GRID1: variants seen among roughly 807,000 people sequenced by gnomAD.
GRID1 encodes glutamate ionotropic receptor delta type subunit 1.
In GRID1, 28 loss-of-function variants were observed where a neutral mutation model predicts 98.0. The observed-to-expected ratio is 0.29, with a 90% CI of 0.21 to 0.39. The LOEUF (loss-of-function observed/expected upper bound fraction) is 0.39, where lower values mean the gene tolerates loss of function less well. Ranked by LOEUF, GRID1 falls within the 10% of genes least tolerant of loss-of-function variation. GRID1 has a pLI of 1.00. For missense variants in GRID1, 1,111 were observed against 1,340.5 expected, an observed-to-expected ratio of 0.83 and a Z score of 2.67; for synonymous variants, 553 against 538.5, an observed-to-expected ratio of 1.03 and a Z score of -0.37.
At chr10:85,612,158 C>T (rs1422018625) in intron 15 of GRID1, among the ~76,000 whole-genome samples, 4 of 152,170 alleles carry the variant, frequency 2.6e-5, no homozygotes, top group South Asian at 2.1e-4. Flanking sequence ...GAGCGAGGGA[C>T]GCCCACCCCT....
At chr10:85,938,083 C>T (rs1841949984) in intron 4 of GRID1, among the ~76,000 whole-genome samples, 1 of 152,160 alleles carries the variant, frequency 6.6e-6, no homozygotes, top group African/African-American at 2.4e-5. Context: ...TTCTACAAAG[C>T]CATCAACCAA....
chr10:86,124,566 C>A (rs1190188180), intron 4 of GRID1, among the ~76,000 whole-genome samples: 1 of 152,146 alleles, frequency 6.6e-6, no homozygotes. Context: ...TCTCTTCTTA[C>A]CTTACTGTAT....
At chr10:86,198,105 T>C (rs1272565615) in intron 3 of GRID1, among the ~76,000 whole-genome samples, 1 of 152,054 alleles carries the variant, frequency 6.6e-6, no homozygotes, top group Non-Finnish European at 1.5e-5. Context: ...TAAAGTAACA[T>C]TTGCCCCGAT....
chr10:86,067,999 G>T (rs572722591), intron 4 of GRID1, among the ~76,000 whole-genome samples: 35 of 152,322 alleles, frequency 2.3e-4, no homozygotes, highest in Non-Finnish European at 2.9e-4. Context: ...ACTTAAGCAG[G>T]GAGAAAAGGA....
intron 4 of GRID1, among the ~76,000 whole-genome samples, chr10:85,989,609 C>G (rs1449524826): frequency 6.6e-6 from 1 of 152,170 alleles, no homozygotes; most frequent in East Asian, 1.9e-4. Context: ...AGGTTGTGCA[C>G]TCATGAGAAT....
chr10:86,144,548 C>A (rs953554313), intron 3 of GRID1, among the ~76,000 whole-genome samples: 7 of 152,168 alleles, frequency 4.6e-5, no homozygotes, highest in African/African-American at 1.7e-4. Flanking sequence ...TCGCCCTCTC[C>A]CCCTGCATCA....
At chr10:85,716,594 T>A (rs969079561) in intron 12 of GRID1, among the ~76,000 whole-genome samples, 2 of 149,276 alleles carry the variant, frequency 1.3e-5, no homozygotes, top group African/African-American at 4.9e-5. Flanking sequence ...GAAAATGTGA[T>A]ATATTATATA....
intron 2 of GRID1, among the ~76,000 whole-genome samples, chr10:86,268,963 C>A (rs1322296966): frequency 6.6e-6 from 1 of 151,508 alleles, no homozygotes; most frequent in Non-Finnish European, 1.5e-5. Flanking sequence ...GCACTCCAGC[C>A]CGGGTGACAG....
chr10:85,958,365 A>G (rs534343761), intron 4 of GRID1, among the ~76,000 whole-genome samples: 2 of 152,204 alleles, frequency 1.3e-5, no homozygotes, highest in South Asian at 4.1e-4. Context: ...TGTCACCTCA[A>G]GGCCCCTTGG....
rs1841627072 is a variant in GRID1, at chr10:85,916,767, G to C, written c.727-528C>G. Reference sequence around the variant, plus strand: ...AGAACAAAGCTCTTTGTAGCTCCTGGGCCGTAGCCCCATCCCGTAACTCTC... The same window carrying C: ...AGAACAAAGCTCTTTGTAGCTCCTGCGCCGTAGCCCCATCCCGTAACTCTC... On this transcript the variant is annotated intron_variant, in intron 4 of 15. Transcript: ENST00000327946. The surrounding 1 kb of genome is among the most constrained non-coding windows in gnomAD (Gnocchi z 4.0). 6.6e-6 allele frequency among the ~76,000 whole-genome samples: 1 copy of C among 152,146 alleles called. No homozygotes were observed. Among genetic ancestry groups the C allele is most frequent in the South Asian group, 2.1e-4 (1 of 4,820 alleles).
chr10:85,687,410 G>C lies in GRID1; in HGVS notation c.1997+35593C>G, dbSNP rs375999238. Among the ~76,000 whole-genome samples, 13 of 152,250 alleles carry C rather than the reference G, an allele frequency of 8.5e-5. No individual in the cohort carries two copies. In the East Asian group the frequency reaches 1.7e-3, roughly 20 times the overall value. On this transcript the variant is annotated intron_variant, in intron 12 of 15. Transcript: ENST00000327946. The stretch of plus-strand genomic sequence containing the variant: ...TACTTGGAGAGAGGGAAACATGTTA[G>C]TAATTGTTATTTTTTAAAATTTGAA...
At chr10:85,942,948 A>G (rs1376103973) in intron 4 of GRID1, among the ~76,000 whole-genome samples, 1 of 152,244 alleles carries the variant, frequency 6.6e-6, no homozygotes, top group African/African-American at 2.4e-5. Flanking sequence ...CAATATTCTT[A>G]TCACCACTGA....
chr10:86,270,797 A>T (rs965247868), intron 2 of GRID1, among the ~76,000 whole-genome samples: 17 of 152,272 alleles, frequency 1.1e-4, no homozygotes, highest in East Asian at 1.9e-4. Flanking sequence ...ATAACCAAAT[A>T]AAAAAATGAG....
At chr10:85,709,503 A>T (rs1841559882) in intron 12 of GRID1, among the ~76,000 whole-genome samples, 1 of 152,248 alleles carries the variant, frequency 6.6e-6, no homozygotes, top group South Asian at 2.1e-4. Context: ...AAAGTAAAAC[A>T]TCACTTGAAG....
intron 12 of GRID1, 51 bp from the exon 13 acceptor site, chr10:85,647,448 C>T (rs1389684833): frequency 1.4e-6 from 2 of 1,409,160 alleles, no homozygotes; most frequent in Admixed American, 1.7e-5. Flanking sequence ...GCATTGCACA[C>T]TGCAAGGATA....
chr10:85,743,800 A>C (rs901342888), intron 8 of GRID1, among the ~76,000 whole-genome samples: 1 of 152,206 alleles, frequency 6.6e-6, no homozygotes, highest in African/African-American at 2.4e-5. Flanking sequence ...AAATCTATTT[A>C]ATAAACTGGT....
intron 8 of GRID1, among the ~76,000 whole-genome samples, chr10:85,747,813 G>A (rs1409585805): frequency 1.3e-5 from 2 of 152,108 alleles, no homozygotes; most frequent in African/African-American, 2.4e-5. Context: ...ACAGTGTAAG[G>A]GGTAAAAGAT....
chr10:85,744,033 A>C (rs1841974988), intron 8 of GRID1, among the ~76,000 whole-genome samples: 1 of 152,208 alleles, frequency 6.6e-6, no homozygotes, highest in Admixed American at 6.5e-5. Context: ...TTCTAGCAGA[A>C]AATTCCAAAA....
chr10:85,711,726 T>A (rs529661953), intron 12 of GRID1, among the ~76,000 whole-genome samples: 65 of 151,836 alleles, frequency 4.3e-4, no homozygotes, highest in Non-Finnish European at 7.5e-4. Context: ...TTGTGAAGTT[T>A]ATTCAACAAG....
Sources: gnomAD v4.1 joint callset for allele counts (sites outside exome capture counted in the v4.1 genomes callset) on GRCh38, gnomAD v4.1.1 for gene constraint, Gnocchi (gnomAD v3.1) non-coding constraint, MANE v1.5 for transcripts, NCBI Gene and HGNC (gene_info 2026-07-23, HGNC 2026-07-21) for gene names.